ZCCHC2: variants seen among roughly 807,000 people sequenced by gnomAD.
ZCCHC2 encodes the protein zinc finger CCHC-type containing 2.
ZCCHC2 carries 39 observed loss-of-function variants against 103.6 expected under a neutral mutation model. That is an observed-to-expected ratio of 0.38 (90% confidence interval 0.29 to 0.49). The LOEUF (loss-of-function observed/expected upper bound fraction) is 0.49, where lower values mean the gene tolerates loss of function less well. Ranked by LOEUF, ZCCHC2 falls within the 20% of genes least tolerant of loss-of-function variation. The pLI, the probability that ZCCHC2 is intolerant of heterozygous loss-of-function variation, is 0.96. For synonymous variants in ZCCHC2, 687 were observed against 608.9 expected (o/e 1.13, Z -1.89); for missense variants, 1,483 against 1,491.0 (o/e 0.99, Z 0.09).
At chr18:62,531,407 T>C (rs1914665921) in intron 1 of ZCCHC2, among the ~76,000 whole-genome samples, 1 of 152,236 alleles carries the variant, frequency 6.6e-6, no homozygotes, top group African/African-American at 2.4e-5. Context: ...TGTTTTGTGC[T>C]CATTCAATAA....
At position 62,577,179 on chromosome 18, in the gene ZCCHC2, T is replaced by A. The variant is rs1916881003; in HGVS notation, c.*600T>A. On this transcript the variant is annotated 3_prime_UTR_variant, in exon 14 of 14. Coordinates refer to ENST00000269499, the MANE Select transcript of ZCCHC2 (RefSeq NM_017742.6). ...CCCAAAATAGTGTGTATATATGTAA[T>A]AAACAGCGTCACGTAAATACATATA... The A allele has an allele frequency of 1.3e-5, 2 of 152,876 alleles. No homozygotes were observed. The highest frequency in any genetic ancestry group is 2.9e-5 in the Non-Finnish European group (2 of 68,244). 9.5% of individuals were successfully genotyped at this position (152,876 alleles called of 1,614,324 possible). A position where few individuals can be genotyped will look rare whatever the true frequency, so the allele number is the denominator to read the frequency against.
intron 4 of ZCCHC2, among the ~76,000 whole-genome samples, chr18:62,546,537 C>T (rs991075590): frequency 6.6e-6 from 1 of 152,142 alleles, no homozygotes; most frequent in African/African-American, 2.4e-5. Flanking sequence ...GAATTGTGGG[C>T]GAGTTGCAGG....
At chr18:62,550,522 T>C (rs780468205) in intron 5 of ZCCHC2, 62 bp downstream of exon 5, 8 of 1,243,732 alleles carry the variant, frequency 6.4e-6, no homozygotes, top group Admixed American at 2.1e-5. Context: ...CCGCTCCAAA[T>C]GGGGTCTTCA....
intron 11 of ZCCHC2, 68 bp from the exon 12 acceptor site, chr18:62,570,035 T>G (rs1274888666): frequency 7.0e-7 from 1 of 1,422,244 alleles, no homozygotes; most frequent in African/African-American, 1.5e-5. Flanking sequence ...TAATTTCTAA[T>G]GATTCAACTT....
chr18:62,524,637 AGAC>A lies in ZCCHC2; in HGVS notation c.939+276_939+278del, dbSNP rs1914270230. 9.1e-6 allele frequency: 4 copies of A among 440,982 alleles called. No homozygotes were observed. In the East Asian group the frequency reaches 1.5e-4, roughly 16 times the overall value. The allele number at this position is 440,982 out of a possible 1,614,324, so 27.3% of individuals were successfully genotyped here. A position where few individuals can be genotyped will look rare whatever the true frequency, so the allele number is the denominator to read the frequency against. On this transcript the variant is annotated intron_variant, in intron 1 of 13. Transcript: ENST00000269499. Reference sequence around the variant, plus strand: ...TTCCGTGCCACGGTGTTGCCACGGAAGACGTGGAGCTCCCCGCCCGGGGCCCCT... The same window carrying A: ...TTCCGTGCCACGGTGTTGCCACGGAAGTGGAGCTCCCCGCCCGGGGCCCCT...
chr18:62,550,325 A>G (rs760494500), intron 4 of ZCCHC2, 23 bp from the exon 5 acceptor site: 1 of 1,538,802 alleles, frequency 6.5e-7, no homozygotes, highest in South Asian at 1.1e-5. Flanking sequence ...TTAACATTGG[A>G]TATTGTGGTT....
intron 1 of ZCCHC2, among the ~76,000 whole-genome samples, chr18:62,529,960 A>G (rs1914611437): frequency 6.6e-6 from 1 of 152,240 alleles, no homozygotes; most frequent in Non-Finnish European, 1.5e-5. Context: ...TTTACATAGC[A>G]TCTATGTTGT....
chr18:62,574,704 G>A lies in ZCCHC2; in HGVS notation c.2623G>A (p.Val875Met). ...TDPITKSASQ[V>M]VGLNQMVPQI... ...CCCCATCACAAAATCTGCATCCCAAGTGGTAGGACTCAATCAAATGGTGCC... is the reference window on the plus strand; with the variant it reads ...CCCCATCACAAAATCTGCATCCCAAATGGTAGGACTCAATCAAATGGTGCC... Residue 875 changes from valine (V) to methionine (M), a missense_variant, in exon 13 of 14, where the codon GTG becomes ATG. Around this residue, in one of 3 missense-constraint regions of ZCCHC2, gnomAD observed 884 missense variants for 907.5 expected, o/e 0.97. Coordinates refer to ENST00000269499, the MANE Select transcript of ZCCHC2 (RefSeq NM_017742.6). The A allele has an allele frequency of 6.2e-7, 1 of 1,614,000 alleles. No homozygotes were observed. Among genetic ancestry groups the A allele is most frequent in the Non-Finnish European group, 8.5e-7 (1 of 1,179,900 alleles).
rs1485469452 is a variant in ZCCHC2, at chr18:62,523,318, T to G, written c.-107T>G. 4.5e-6 allele frequency: 4 copies of G among 898,486 alleles called. No homozygotes were observed. The highest frequency in any genetic ancestry group is 5.3e-6 in the Non-Finnish European group (4 of 756,154). The allele number at this position is 898,486 out of a possible 1,614,324, so 55.7% of individuals were successfully genotyped here. Reference sequence around the variant, plus strand: ...CGGCCCCGGCCCTCCCCCGGCGGCATGGAGGGGCCCCGCTCCTGACGGCCG... The same window carrying G: ...CGGCCCCGGCCCTCCCCCGGCGGCAGGGAGGGGCCCCGCTCCTGACGGCCG... On this transcript the variant is annotated 5_prime_UTR_variant, in exon 1 of 14. The change abolishes an upstream ATG in the 5' untranslated region. Coordinates refer to ENST00000269499, the MANE Select transcript of ZCCHC2 (RefSeq NM_017742.6).
chr18:62,536,954 G>A (rs1464210872), intron 1 of ZCCHC2, among the ~76,000 whole-genome samples: 1 of 152,104 alleles, frequency 6.6e-6, no homozygotes, highest in East Asian at 1.9e-4. Context: ...GTTTGTGGAG[G>A]CAGTGTGATC....
At position 62,577,244 on chromosome 18, in the gene ZCCHC2, AAG is replaced by A. The variant is rs1381596944; in HGVS notation, c.*672_*673del. 6.6e-6 allele frequency: 1 copy of A among 152,632 alleles called. No homozygotes were observed. The highest frequency in any genetic ancestry group is 1.5e-5 in the Non-Finnish European group (1 of 68,044). 9.5% of individuals were successfully genotyped at this position (152,632 alleles called of 1,614,324 possible). On this transcript the variant is annotated 3_prime_UTR_variant, in exon 14 of 14. Coordinates refer to ENST00000269499, the MANE Select transcript of ZCCHC2 (RefSeq NM_017742.6). Reference sequence around the variant, plus strand: ...TCCAAATAGAAATGAAAATAAGTGGAAGAGAGAGGAAGAAGTCAAACCATATG... The same window carrying A: ...TCCAAATAGAAATGAAAATAAGTGGAAGAGAGGAAGAAGTCAAACCATATG...
In ZCCHC2 at chr18:62,523,376, G is replaced by GGGGCGCC; in HGVS notation, c.-49_-48insGGGCGCC. 1 of 1,012,356 alleles carries GGGGCGCC rather than the reference G, an allele frequency of 9.9e-7. No homozygotes were observed. Among genetic ancestry groups the GGGGCGCC allele is most frequent in the Non-Finnish European group, 1.2e-6 (1 of 848,992 alleles). 62.7% of individuals were successfully genotyped at this position (1,012,356 alleles called of 1,614,324 possible). ...GCCTCGGCCCGTGCTCCACCTCGCGGCCCCTCCCGCCCGCCCCCGCTCGCA... is the reference window on the plus strand; with the variant it reads ...GCCTCGGCCCGTGCTCCACCTCGCGGGGGCGCCCCCCTCCCGCCCGCCCCCGCTCGCA... On this transcript the variant is annotated 5_prime_UTR_variant, in exon 1 of 14. Coordinates refer to ENST00000269499, the MANE Select transcript of ZCCHC2 (RefSeq NM_017742.6).
intron 3 of ZCCHC2, among the ~76,000 whole-genome samples, chr18:62,543,707 T>C (rs1915297604): frequency 6.6e-6 from 1 of 152,180 alleles, no homozygotes; most frequent in Non-Finnish European, 1.5e-5. Context: ...TTCATGTGCA[T>C]CTCTCCGTTC....
rs1916867768 is a variant in ZCCHC2, at chr18:62,576,895, A to C, written c.*316A>C. 1 of 210,008 alleles carries C rather than the reference A, an allele frequency of 4.8e-6. No individual in the cohort carries two copies. Among genetic ancestry groups the C allele is most frequent in the South Asian group, 9.5e-5 (1 of 10,552 alleles). 13.0% of individuals were successfully genotyped at this position (210,008 alleles called of 1,614,324 possible). ...ACTTGCTGTGTGCAATGTTTACTGA[A>C]TCTTTAAAACTGTGTATTTGACCTT... On this transcript the variant is annotated 3_prime_UTR_variant, in exon 14 of 14. Coordinates refer to ENST00000269499, the MANE Select transcript of ZCCHC2 (RefSeq NM_017742.6).
At chr18:62,547,156 G>C (rs1282118744) in intron 4 of ZCCHC2, among the ~76,000 whole-genome samples, 1 of 151,702 alleles carries the variant, frequency 6.6e-6, no homozygotes, top group Non-Finnish European at 1.5e-5. Flanking sequence ...GAAACCCCAT[G>C]TCTACTAAAA....
intron 11 of ZCCHC2, among the ~76,000 whole-genome samples, chr18:62,565,940 C>G (rs1336167776): frequency 6.6e-6 from 1 of 152,054 alleles, no homozygotes; most frequent in East Asian, 1.9e-4. Flanking sequence ...AAAATAGTTA[C>G]CTTTTGAATC....
chr18:62,529,412 G>A (rs1914587995), intron 1 of ZCCHC2, among the ~76,000 whole-genome samples: 1 of 152,100 alleles, frequency 6.6e-6, no homozygotes. Flanking sequence ...ATAAATATTA[G>A]CTGTTGCAGG....
At chr18:62,537,311 A>G (rs964677512) in intron 1 of ZCCHC2, among the ~76,000 whole-genome samples, 1 of 152,064 alleles carries the variant, frequency 6.6e-6, no homozygotes, top group Non-Finnish European at 1.5e-5. Context: ...GACTACAGGC[A>G]CATACCACCA....
Position 62,523,324 on chromosome 18 carries a change from G to A in ZCCHC2, c.-101G>A, listed in dbSNP as rs1355909613. ...CGGCCCTCCCCCGGCGGCATGGAGG[G>A]GCCCCGCTCCTGACGGCCGCGCCGC... is the stretch of plus-strand genomic sequence containing the variant. On this transcript the variant is annotated 5_prime_UTR_variant, in exon 1 of 14. Transcript: ENST00000269499. The A allele has an allele frequency of 4.1e-6, 4 of 983,868 alleles. No individual in the cohort carries two copies. Among genetic ancestry groups the A allele is most frequent in the Non-Finnish European group, 4.8e-6 (4 of 829,594 alleles). 60.9% of individuals were successfully genotyped at this position (983,868 alleles called of 1,614,324 possible). A position where few individuals can be genotyped will look rare whatever the true frequency, so the allele number is the denominator to read the frequency against.
Sources: allele counts gnomAD v4.1 joint callset (sites outside exome capture counted in the v4.1 genomes callset), GRCh38; gene constraint gnomAD v4.1.1; regional missense constraint gnomAD v4.1.1; transcripts MANE v1.5; gene names NCBI Gene and HGNC (gene_info 2026-07-23, HGNC 2026-07-21).